The following NEGR1 variants were observed in gnomAD, a reference collection of about 807,000 sequenced individuals.
NEGR1 encodes IgLON family member 4.
NEGR1 carries 10 observed loss-of-function variants against 40.9 expected under a neutral mutation model. The ratio of observed to expected loss-of-function variants is 0.24; its 90% CI spans 0.15 to 0.42. The LOEUF (loss-of-function observed/expected upper bound fraction) is 0.42. NEGR1 is among the 10% of genes least tolerant of loss of function. The pLI is 1.00. For synonymous variants in NEGR1, 185 were observed against 166.8 expected, an observed-to-expected ratio of 1.11 and a Z score of -0.84; for missense variants, 352 against 438.9, an observed-to-expected ratio of 0.80 and a Z score of 1.77.
rs376770416 is a variant in NEGR1, at chr1:71,434,887, C to T, written c.941-27317G>A. On this transcript the variant is annotated intron_variant, in intron 6 of 6. Transcript: ENST00000357731. Reference sequence around the variant, plus strand: ...CGGGCGGATCACGAGGTCAGGAGATCAAGACCATCCTGGCTAAAACGGTGA... The same window carrying T: ...CGGGCGGATCACGAGGTCAGGAGATTAAGACCATCCTGGCTAAAACGGTGA... 1.8e-4 allele frequency among the ~76,000 whole-genome samples: 27 copies of T among 152,222 alleles called. No homozygotes were observed. The East Asian group carries it at 2.3e-3, about 13-fold the overall frequency.
At chr1:72,179,488 A>G (rs888555379) in intron 1 of NEGR1, among the ~76,000 whole-genome samples, 4 of 152,114 alleles carry the variant, frequency 2.6e-5, no homozygotes, top group Non-Finnish European at 5.9e-5. Context: ...TCATTAGCTC[A>G]GGTGAAATGC....
At chr1:72,256,902 T>C (rs1237182138) in intron 1 of NEGR1, among the ~76,000 whole-genome samples, 1 of 152,144 alleles carries the variant, frequency 6.6e-6, no homozygotes, top group African/African-American at 2.4e-5. Context: ...GGAATGTGCA[T>C]ATAAAATCCA....
chr1:72,076,019 C>T (rs976837012), intron 1 of NEGR1, among the ~76,000 whole-genome samples: 1 of 152,056 alleles, frequency 6.6e-6, no homozygotes, highest in African/African-American at 2.4e-5. Flanking sequence ...ACAAATCAAA[C>T]CAAATAATAT....
At chr1:71,553,454 T>C (rs1570022285) in intron 6 of NEGR1, among the ~76,000 whole-genome samples, 1 of 151,540 alleles carries the variant, frequency 6.6e-6, no homozygotes, top group East Asian at 2.0e-4. Flanking sequence ...TACATGTTAA[T>C]GTATTTCATT....
chr1:71,877,475 C>T (rs1335257016), intron 2 of NEGR1, among the ~76,000 whole-genome samples: 3 of 152,036 alleles, frequency 2.0e-5, no homozygotes, highest in Non-Finnish European at 4.4e-5. Flanking sequence ...CATATTCTTC[C>T]CTCTGTGTTT....
rs185513915 is a variant in NEGR1 at position 71,929,931 on chromosome 1, T to C, written c.409+5148A>G. 2.3e-3 allele frequency among the ~76,000 whole-genome samples: 351 copies of C among 152,246 alleles called. 1 individual carries two copies. The highest frequency in any genetic ancestry group is 7.9e-3 in the African/African-American group (330 of 41,568). On this transcript the variant is annotated intron_variant, in intron 2 of 6. Coordinates refer to ENST00000357731, the MANE Select transcript of NEGR1 (RefSeq NM_173808.3). Reference sequence around the variant, plus strand: ...CTAATCTTTGGAGAATATGGCTTTATACTTGTGGCCACATAGAGTAATTGC... The same window carrying C: ...CTAATCTTTGGAGAATATGGCTTTACACTTGTGGCCACATAGAGTAATTGC...
At chr1:71,710,177 A>G (rs1654032395) in intron 3 of NEGR1, among the ~76,000 whole-genome samples, 1 of 152,214 alleles carries the variant, frequency 6.6e-6, no homozygotes, top group South Asian at 2.1e-4. Flanking sequence ...TGCAAATCAA[A>G]CCTACTGTTA....
chr1:71,994,848 T>C (rs372165617), intron 1 of NEGR1, among the ~76,000 whole-genome samples: 1 of 152,090 alleles, frequency 6.6e-6, no homozygotes, highest in Non-Finnish European at 1.5e-5. Context: ...TAAGGCCTCA[T>C]GAATAATTTT....
intron 4 of NEGR1, among the ~76,000 whole-genome samples, chr1:71,666,784 T>C (rs373913354): frequency 4.6e-5 from 7 of 152,172 alleles, no homozygotes; most frequent in African/African-American, 1.7e-4. Flanking sequence ...CTGGATTTCA[T>C]CATACTTTAA....
intron 4 of NEGR1, among the ~76,000 whole-genome samples, chr1:71,656,337 T>G (rs2101586692): frequency 6.6e-6 from 1 of 152,310 alleles, no homozygotes; most frequent in East Asian, 1.9e-4. Context: ...TGAGCCTTGG[T>G]TTATCTATAT....
chr1:72,145,496 TGCAAACTTAAA>T (rs1176128867), intron 1 of NEGR1, among the ~76,000 whole-genome samples: 1 of 152,164 alleles, frequency 6.6e-6, no homozygotes, highest in Non-Finnish European at 1.5e-5. Context: ...AGCAATCATG[TGCAAACTTAAA>T]GTTGACAAGT....
intron 1 of NEGR1, among the ~76,000 whole-genome samples, chr1:72,208,474 T>C (rs941590736): frequency 2.0e-5 from 3 of 151,692 alleles, no homozygotes; most frequent in African/African-American, 7.2e-5. Context: ...AATCTGCAGA[T>C]AGTTTTTCTT....
chr1:71,746,956 C>G (rs1655406860), intron 3 of NEGR1, among the ~76,000 whole-genome samples: 1 of 152,132 alleles, frequency 6.6e-6, no homozygotes, highest in African/African-American at 2.4e-5. Flanking sequence ...AAAAGCTTAT[C>G]TGATTCTAAG....
intron 1 of NEGR1, among the ~76,000 whole-genome samples, chr1:72,083,969 C>A (rs975664902): frequency 3.3e-5 from 5 of 152,150 alleles, no homozygotes; most frequent in African/African-American, 4.8e-5. Context: ...GTACAATAAC[C>A]TGCATCCACC....
chr1:72,023,417 A>C (rs1167869297), intron 1 of NEGR1, among the ~76,000 whole-genome samples: 1 of 151,922 alleles, frequency 6.6e-6, no homozygotes, highest in Non-Finnish European at 1.5e-5. Flanking sequence ...TGCTGGATGA[A>C]TCCTAAAAGC....
Position 71,888,371 on chromosome 1 carries a change from G to A in NEGR1, c.409+46708C>T, listed in dbSNP as rs191111017. ...GCCAGTGTGTGCGCCCACCGTGCGC[G>A]AGCCTAAGCAGGGCGAGGCATTGCC... is the stretch of plus-strand genomic sequence containing the variant. On this transcript the variant is annotated intron_variant, in intron 2 of 6. Transcript: ENST00000357731. Among the ~76,000 whole-genome samples the A allele has an allele frequency of 4.7e-3, 720 of 152,218 alleles. 5 individuals carry two copies. Among genetic ancestry groups the A allele is most frequent in the African/African-American group, 0.016 (666 of 41,542 alleles).
chr1:71,584,606 C>T (rs1649242067), intron 6 of NEGR1, among the ~76,000 whole-genome samples: 1 of 152,130 alleles, frequency 6.6e-6, no homozygotes, highest in Non-Finnish European at 1.5e-5. Flanking sequence ...ACTTTGCCAC[C>T]TTATTACGTG....
intron 6 of NEGR1, among the ~76,000 whole-genome samples, chr1:71,560,445 ATATG>A (rs892325878): frequency 3.3e-4 from 45 of 136,298 alleles, no homozygotes; most frequent in East Asian, 1.4e-3. Context: ...ATATATATAT[ATATG>A]TATATATATA....
intron 4 of NEGR1, among the ~76,000 whole-genome samples, chr1:71,615,344 C>A (rs546070383): frequency 6.6e-6 from 1 of 151,524 alleles, no homozygotes; most frequent in Non-Finnish European, 1.5e-5. Flanking sequence ...CAAACTAAGA[C>A]GAAAACAGAG....
Sources: allele counts gnomAD v4.1 joint callset (sites outside exome capture counted in the v4.1 genomes callset), GRCh38; gene constraint gnomAD v4.1.1; transcripts MANE v1.5; gene names NCBI Gene and HGNC (gene_info 2026-07-23, HGNC 2026-07-21).